Variants in TRIM54 observed in about 807,000 individuals in gnomAD.
The protein encoded by TRIM54 is tripartite motif-containing protein 54.
Under a neutral mutation model 42.0 loss-of-function variants are expected in TRIM54, and 40 were observed. That is an observed-to-expected ratio of 0.95 (90% CI 0.74 to 1.24). TRIM54 has a LOEUF of 1.24. Among genes scored for constraint, TRIM54 ranks in the 50% most tolerant of loss-of-function variants. The probability of loss-of-function intolerance (pLI) is 0.00; values close to 1 mark genes in which losing one functional copy is unlikely to be tolerated. For missense variants in TRIM54, 485 were observed against 480.3 expected (o/e 1.01, Z -0.09); for synonymous variants, 199 against 194.9 (o/e 1.02, Z -0.17).
At chr2:27,291,787 G>T (rs1392782160) in intron 1 of TRIM54, among the ~76,000 whole-genome samples, 1 of 152,242 alleles carries the variant, frequency 6.6e-6, no homozygotes, top group Admixed American at 6.5e-5. Context: ...CTGCCCTGGA[G>T]ATTAAGATGA....
intron 3 of TRIM54, among the ~76,000 whole-genome samples, chr2:27,303,916 A>G (rs1315868017): frequency 6.6e-6 from 1 of 152,248 alleles, no homozygotes; most frequent in Non-Finnish European, 1.5e-5. Context: ...ATAGAATATC[A>G]AAAACCAACC....
In TRIM54 at chr2:27,307,304, A is replaced by G; in HGVS notation, c.*419A>G. On this transcript the variant is annotated 3_prime_UTR_variant, in exon 9 of 9. Transcript: ENST00000380075. This position sits in a 1 kb window ranked among gnomAD's most constrained non-coding sequence, Gnocchi z 6.9. ...GAAAGCCGCTGTCTCGGAGCCCCCCACAGCATTTTGTTCCCCTCCCGCTGG... is the reference window on the plus strand; with the variant it reads ...GAAAGCCGCTGTCTCGGAGCCCCCCGCAGCATTTTGTTCCCCTCCCGCTGG... 1 of 739,384 alleles carries G rather than the reference A, an allele frequency of 1.4e-6. No homozygotes were observed. The highest frequency in any genetic ancestry group is 2.9e-5 in the East Asian group (1 of 34,248). 45.8% of individuals were successfully genotyped at this position (739,384 alleles called of 1,614,324 possible). A position where few individuals can be genotyped will look rare whatever the true frequency, so the allele number is the denominator to read the frequency against.
In TRIM54 at chr2:27,298,660, G is replaced by T; in HGVS notation, c.262G>T (p.Asp88Tyr). 1 of 1,614,158 alleles carries T rather than the reference G, an allele frequency of 6.2e-7. No individual in the cohort carries two copies. Among genetic ancestry groups the T allele is most frequent in the African/African-American group, 1.3e-5 (1 of 75,048 alleles). ...ATCGTGCAGGCATGAGGTTGTCCTG[G>T]ACAGACACGGTGTCTACGGCCTGCA... is the stretch of plus-strand genomic sequence containing the variant. ...CPSCRHEVVL[D>Y]RHGVYGLQRN... The change falls in exon 2 of 9, where the codon GAC (aspartate) becomes TAC (tyrosine). Residue 88 changes from aspartate (D) to tyrosine (Y), a missense_variant. Physicochemically the swap from Asp to Tyr is radical, Grantham distance 160. Transcript: ENST00000380075.
chr2:27,298,863 A>T, intron 2 of TRIM54, 124 bp downstream of exon 2: 1 of 1,099,164 alleles, frequency 9.1e-7, no homozygotes, highest in South Asian at 1.6e-5. Context: ...AGACCATAGG[A>T]CTGGATCCGG....
chr2:27,298,314 T>G lies in TRIM54; in HGVS notation c.169-253T>G, dbSNP rs1218683186. ...GAGAGATCCCATCCTGACTATGCCT[T>G]GACCAAAGCTGAGTTCTGGATGCAG... is the stretch of plus-strand genomic sequence containing the variant. On this transcript the variant is annotated intron_variant, in intron 1 of 8. Coordinates refer to ENST00000380075, the MANE Select transcript of TRIM54 (RefSeq NM_187841.3). Among the ~76,000 whole-genome samples, 4 of 152,272 alleles carry G rather than the reference T, an allele frequency of 2.6e-5. No homozygotes were observed. The South Asian group carries it at 6.2e-4, about 24-fold the overall frequency.
At chr2:27,294,618 A>G (rs954828438) in intron 1 of TRIM54, among the ~76,000 whole-genome samples, 1 of 151,294 alleles carries the variant, frequency 6.6e-6, no homozygotes, top group Non-Finnish European at 1.5e-5. Flanking sequence ...AGGGCCAGGC[A>G]TGGTGGCTCA....
rs1336585054 is a variant in TRIM54 at position 27,305,569 on chromosome 2, C to T, written c.610-15C>T. 4 of 1,607,102 alleles carry T rather than the reference C, an allele frequency of 2.5e-6. No homozygotes were observed. Among genetic ancestry groups the T allele is most frequent in the Admixed American group, 1.7e-5 (1 of 59,746 alleles). Reference sequence around the variant, plus strand: ...TCAGCCACGCCTTCCCTCATCCTTGCTCCCCATCTTTTAGGACAATAGCCG... The same window carrying T: ...TCAGCCACGCCTTCCCTCATCCTTGTTCCCCATCTTTTAGGACAATAGCCG... On this transcript the variant is annotated splice_polypyrimidine_tract_variant and intron_variant, in intron 4 of 8. Transcript: ENST00000380075.
At chr2:27,287,619 G>A (rs1457029880) in intron 1 of TRIM54, among the ~76,000 whole-genome samples, 1 of 152,032 alleles carries the variant, frequency 6.6e-6, no homozygotes, top group Non-Finnish European at 1.5e-5. Context: ...GAACTCCTGG[G>A]CTCAAACAGT....
At chr2:27,296,223 A>G (rs1162018888) in intron 1 of TRIM54, among the ~76,000 whole-genome samples, 3 of 152,186 alleles carry the variant, frequency 2.0e-5, no homozygotes, top group Non-Finnish European at 4.4e-5. Context: ...GTGTTGCTGC[A>G]CACACGCAAG....
At chr2:27,296,849 C>G in intron 1 of TRIM54, among the ~76,000 whole-genome samples, 1 of 152,104 alleles carries the variant, frequency 6.6e-6, no homozygotes, top group Admixed American at 6.6e-5. Flanking sequence ...GCCTCTGTCT[C>G]CTGGTTTCAA....
chr2:27,306,374 G>C lies in TRIM54; in HGVS notation c.991+37G>C. The C allele has an allele frequency of 6.2e-7, 1 of 1,613,826 alleles. No homozygotes were observed. ...GGCCGAGGGCCGCTGAGACGGGTTC[G>C]GACCCTCTGTGTGGGGGGTGCGGCG... On this transcript the variant is annotated intron_variant, in intron 7 of 8. Transcript: ENST00000380075. This position sits in a 1 kb window ranked among gnomAD's most constrained non-coding sequence, Gnocchi z 6.1.
chr2:27,294,805 G>A (rs1678817390), intron 1 of TRIM54, among the ~76,000 whole-genome samples: 1 of 147,722 alleles, frequency 6.8e-6, no homozygotes, highest in East Asian at 2.1e-4. Flanking sequence ...CAGGGGAATC[G>A]CTTGAACCCA....
chr2:27,284,021 T>TA (rs2148186202), intron 1 of TRIM54, among the ~76,000 whole-genome samples: 1 of 152,214 alleles, frequency 6.6e-6, no homozygotes, highest in South Asian at 2.1e-4. Context: ...TAGTCCCAGC[T>TA]ACTCAGGAGG....
Position 27,305,715 on chromosome 2 carries a change from C to T in TRIM54, c.741C>T (p.Arg247=), listed in dbSNP as rs575286180. Residue 247 remains arginine, a synonymous_variant, in exon 5 of 9, where the codon CGC becomes CGT. Transcript: ENST00000380075. ...REQEEKLQRV[R]GLIRQYGDHL... is the part of the protein sequence containing the mutation. The stretch of plus-strand genomic sequence containing the variant: ...AAGAGGAGAAGCTGCAGCGCGTCCG[C>T]GGCCTCATCCGTCAGTATGGCGACC... 77 of 1,612,216 alleles carry T rather than the reference C, an allele frequency of 4.8e-5. No homozygotes were observed. The highest frequency in any genetic ancestry group is 8.0e-5 in the African/African-American group (6 of 75,018).
Position 27,305,613 on chromosome 2 carries a change from A to C in TRIM54, c.639A>C (p.Leu213Phe). 1.2e-6 allele frequency: 2 copies of C among 1,613,608 alleles called. No individual in the cohort carries two copies. The highest frequency in any genetic ancestry group is 1.7e-5 in the Admixed American group (1 of 60,008). ...EDNSRRQKQL[L>F]NQRFESLCAV... ...ATAGCCGGAGGCAGAAGCAGTTGTTAAACCAGAGGTTTGAGAGCCTGTGCG... is the reference window on the plus strand; with the variant it reads ...ATAGCCGGAGGCAGAAGCAGTTGTTCAACCAGAGGTTTGAGAGCCTGTGCG... The change falls in exon 5 of 9, where the codon TTA becomes TTC. Residue 213 changes from leucine (L) to phenylalanine (F), a missense_variant. Leu to Phe is a conservative substitution (Grantham distance 22, BLOSUM62 0). Coordinates refer to ENST00000380075, the MANE Select transcript of TRIM54 (RefSeq NM_187841.3).
chr2:27,299,606 G>C, intron 3 of TRIM54, 190 bp downstream of exon 3: 1 of 1,267,662 alleles, frequency 7.9e-7, no homozygotes, highest in Non-Finnish European at 1.1e-6. Context: ...GATCTCCCGA[G>C]CTCAAGTGAT....
intron 3 of TRIM54, among the ~76,000 whole-genome samples, chr2:27,303,403 T>G (rs914393657): frequency 2.6e-5 from 4 of 151,916 alleles, no homozygotes; most frequent in Admixed American, 2.0e-4. Flanking sequence ...TACAAAAAAT[T>G]AGCCGGGCGT....
At position 27,306,587 on chromosome 2, in the gene TRIM54, G is replaced by C; in HGVS notation, c.*1+45G>C. ...CCTTAAGGTGAGAGCGGCCTGAGGG[G>C]CTTGGGGTGGGGCCTGGCTGGTGTG... On this transcript the variant is annotated intron_variant, in intron 8 of 8. Coordinates refer to ENST00000380075, the MANE Select transcript of TRIM54 (RefSeq NM_187841.3). This position sits in a 1 kb window ranked among gnomAD's most constrained non-coding sequence, Gnocchi z 6.1. 1 of 1,482,156 alleles carries C rather than the reference G, an allele frequency of 6.7e-7. No homozygotes were observed. Among genetic ancestry groups the C allele is most frequent in the Non-Finnish European group, 9.0e-7 (1 of 1,112,530 alleles). The allele number at this position is 1,482,156 out of a possible 1,614,324, so 91.8% of individuals were successfully genotyped here.
intron 1 of TRIM54, among the ~76,000 whole-genome samples, chr2:27,295,048 C>T (rs1274365746): frequency 6.6e-6 from 1 of 151,942 alleles, no homozygotes; most frequent in Non-Finnish European, 1.5e-5. Context: ...TGATTGTTCA[C>T]CTCCTCGACC....
Sources: allele counts gnomAD v4.1 joint callset (sites outside exome capture counted in the v4.1 genomes callset), GRCh38; gene constraint gnomAD v4.1.1; non-coding constraint Gnocchi (gnomAD v3.1); transcripts MANE v1.5; gene names NCBI Gene and HGNC (gene_info 2026-07-23, HGNC 2026-07-21).